COPS4: variants seen among roughly 807,000 people sequenced by gnomAD.
COPS4 encodes the protein COP9 signalosome complex subunit 4.
In COPS4, 8 loss-of-function variants were observed where a neutral mutation model predicts 55.1. The observed-to-expected ratio is 0.15, with a 90% CI of 0.09 to 0.26. The LOEUF (loss-of-function observed/expected upper bound fraction) is 0.26, where lower values mean the gene tolerates loss of function less well. COPS4 is among the 10% of genes least tolerant of loss of function. The pLI, the probability that COPS4 is intolerant of heterozygous loss-of-function variation, is 1.00. For synonymous variants in COPS4, 185 were observed against 165.7 expected (o/e 1.12, Z -0.90); for missense variants, 248 against 484.0 (o/e 0.51, Z 4.58).
At chr4:83,060,349 AAT>A (rs1731134173) in intron 6 of COPS4, among the ~76,000 whole-genome samples, 2 of 58,968 alleles carry the variant, frequency 3.4e-5, no homozygotes. Flanking sequence ...ACGCGCAGCT[AAT>A]TTTTTTTTTT....
At chr4:83,067,509 T>C (rs144277856) in intron 8 of COPS4, among the ~76,000 whole-genome samples, 1 of 146,794 alleles carries the variant, frequency 6.8e-6, no homozygotes, top group African/African-American at 2.5e-5. Flanking sequence ...CAAGTGTGAG[T>C]CACCACGCCC....
chr4:83,049,457 C>G (rs1730802854), intron 3 of COPS4, 140 bp downstream of exon 3: 1 of 667,906 alleles, frequency 1.5e-6, no homozygotes, highest in Non-Finnish European at 2.3e-6. Context: ...TTTTATGATG[C>G]AAAATCAAGT....
intron 9 of COPS4, chr4:83,073,243 T>G: frequency 1.5e-6 from 1 of 686,244 alleles, no homozygotes; most frequent in Admixed American, 2.0e-5. Flanking sequence ...GTCTCTGGAT[T>G]TACCTAGTCT....
rs144039843 is a variant in COPS4 at position 83,073,854 on chromosome 4, G to C, written c.1088-1443G>C. Among the ~76,000 whole-genome samples, 2 of 152,096 alleles carry C rather than the reference G, an allele frequency of 1.3e-5. 1 individual carries two copies. Among genetic ancestry groups the C allele is most frequent in the Non-Finnish European group, 2.9e-5 (2 of 68,024 alleles). On this transcript the variant is annotated intron_variant, in intron 9 of 9. Transcript: ENST00000264389. ...TGCCTGTAGTCCCAGCTACTTGGGA[G>C]GCTGAAGCAGGAGAATCCCTTGAAC...
intron 7 of COPS4, among the ~76,000 whole-genome samples, chr4:83,065,885 C>T (rs1272714762): frequency 1.3e-5 from 2 of 152,186 alleles, no homozygotes; most frequent in Non-Finnish European, 2.9e-5. Flanking sequence ...GCTGGTGCCG[C>T]GGCTCATGCC....
At chr4:83,072,816 A>C (rs1731469600) in intron 9 of COPS4, among the ~76,000 whole-genome samples, 1 of 152,206 alleles carries the variant, frequency 6.6e-6, no homozygotes, top group Non-Finnish European at 1.5e-5. Context: ...GTAATAAACA[A>C]ATTTATAATA....
chr4:83,043,413 G>A (rs1730615301), intron 1 of COPS4, among the ~76,000 whole-genome samples: 1 of 151,040 alleles, frequency 6.6e-6, no homozygotes, highest in Non-Finnish European at 1.5e-5. Flanking sequence ...TAGCTACTCA[G>A]GAGGCAGAAG....
At chr4:83,050,033 T>G in intron 4 of COPS4, 49 bp downstream of exon 4, 1 of 1,091,024 alleles carries the variant, frequency 9.2e-7, no homozygotes, top group Non-Finnish European at 1.3e-6. Flanking sequence ...ATGTATATAA[T>G]TGCTCACTTA....
chr4:83,064,869 C>CTTTTT lies in COPS4; in HGVS notation c.887-1542_887-1538dup, dbSNP rs140166684. Among the ~76,000 whole-genome samples, 129 of 73,598 alleles carry CTTTTT rather than the reference C, an allele frequency of 1.8e-3. 1 individual carries two copies. Among genetic ancestry groups the CTTTTT allele is most frequent in the East Asian group, 5.0e-3 (9 of 1,816 alleles). 48.3% of individuals were successfully genotyped at this position (73,598 alleles called of 152,430 possible). On this transcript the variant is annotated intron_variant, in intron 7 of 9. Coordinates refer to ENST00000264389, the MANE Select transcript of COPS4 (RefSeq NM_016129.3). ...GCCACTGTGCCTGGTTAAGCAGTCC[C>CTTTTT]TTTTTTTTTTTTTTTTTTTTTTTTT...
intron 1 of COPS4, among the ~76,000 whole-genome samples, chr4:83,039,851 G>T (rs944955005): frequency 6.6e-6 from 1 of 152,168 alleles, no homozygotes; most frequent in African/African-American, 2.4e-5. Context: ...TGCCCAGGCA[G>T]GTCTCGAACT....
chr4:83,066,442 C>T lies in COPS4; in HGVS notation c.891C>T (p.Ser297=), dbSNP rs1289938425. The T allele has an allele frequency of 1.3e-6, 2 of 1,498,380 alleles. No individual in the cohort carries two copies. The highest frequency in any genetic ancestry group is 9.1e-7 in the Non-Finnish European group (1 of 1,104,020). The allele number at this position is 1,498,380 out of a possible 1,614,324, so 92.8% of individuals were successfully genotyped here. ...PHQKATTADG[S]SILDRAVIEH... ...ACTGTCTTATTTATGTTTAAGGTTCCAGCATCTTGGACAGAGCTGTTATTG... is the reference window on the plus strand; with the variant it reads ...ACTGTCTTATTTATGTTTAAGGTTCTAGCATCTTGGACAGAGCTGTTATTG... Residue 297 remains serine, a synonymous_variant, in exon 8 of 10, where the codon TCC becomes TCT. Coordinates refer to ENST00000264389, the MANE Select transcript of COPS4 (RefSeq NM_016129.3).
intron 1 of COPS4, among the ~76,000 whole-genome samples, chr4:83,037,145 G>A (rs1402934296): frequency 6.6e-6 from 1 of 152,178 alleles, no homozygotes; most frequent in African/African-American, 2.4e-5. Context: ...CTCTTGCCTG[G>A]ATCTCTCTCT....
intron 3 of COPS4, chr4:83,049,659 T>A (rs1003972070): frequency 3.9e-5 from 20 of 508,374 alleles, no homozygotes; most frequent in Middle Eastern, 5.1e-4. Context: ...ACTACAGTAT[T>A]GTACCATAAT....
chr4:83,039,716 T>A (rs999206505), intron 1 of COPS4, among the ~76,000 whole-genome samples: 2 of 152,158 alleles, frequency 1.3e-5, no homozygotes, highest in Admixed American at 6.5e-5. Context: ...ACTACAGCCT[T>A]AACATGCTTG....
At chr4:83,055,329 G>T (rs1215239361) in intron 4 of COPS4, among the ~76,000 whole-genome samples, 1 of 152,030 alleles carries the variant, frequency 6.6e-6, no homozygotes, top group East Asian at 1.9e-4. Flanking sequence ...ATTGCTATTA[G>T]TATTTTGATA....
At chr4:83,069,753 C>CT (rs1319663660) in intron 9 of COPS4, among the ~76,000 whole-genome samples, 1 of 152,074 alleles carries the variant, frequency 6.6e-6, no homozygotes, top group African/African-American at 2.4e-5. Flanking sequence ...TGTAGAAACA[C>CT]TTTAATTTTA....
chr4:83,050,077 TAAAC>T (rs755541624), intron 4 of COPS4, 93 bp downstream of exon 4: 39 of 717,674 alleles, frequency 5.4e-5, no homozygotes, highest in Middle Eastern at 2.5e-4. Context: ...AGGAAACAGA[TAAAC>T]AAATAAATAC....
At chr4:83,042,363 G>T (rs756229355) in intron 1 of COPS4, among the ~76,000 whole-genome samples, 2 of 152,016 alleles carry the variant, frequency 1.3e-5, no homozygotes, top group African/African-American at 2.4e-5. Context: ...TTAAATTTCT[G>T]TTTAAGTTCC....
intron 2 of COPS4, among the ~76,000 whole-genome samples, chr4:83,046,304 G>T (rs1022959213): frequency 6.6e-6 from 1 of 152,148 alleles, no homozygotes; most frequent in African/African-American, 2.4e-5. Flanking sequence ...TTAGACTTCA[G>T]AGAAAATGAA....
Sources: allele counts gnomAD v4.1 joint callset (sites outside exome capture counted in the v4.1 genomes callset), GRCh38; gene constraint gnomAD v4.1.1; transcripts MANE v1.5; gene names NCBI Gene and HGNC (gene_info 2026-07-23, HGNC 2026-07-21).